The following WSCD1 variants were observed in gnomAD, a reference collection of about 807,000 sequenced individuals.
The protein encoded by WSCD1 is sialate:O-sulfotransferase 1.
In WSCD1, 41 loss-of-function variants were observed where a neutral mutation model predicts 60.4. The observed-to-expected ratio is 0.68, with a 90% CI of 0.53 to 0.88. The LOEUF is 0.88. Ranked by LOEUF, WSCD1 falls within the 40% of genes least tolerant of loss-of-function variation. The pLI, the probability that WSCD1 is intolerant of heterozygous loss-of-function variation, is 0.00. For synonymous variants in WSCD1, 361 were observed against 332.5 expected (o/e 1.09, Z -0.93); for missense variants, 784 against 796.2 (o/e 0.98, Z 0.18).
rs1904441582 is a variant in WSCD1, at chr17:6,118,490, C to G, written c.1375+302C>G. Among the ~76,000 whole-genome samples the G allele has an allele frequency of 6.6e-6, 1 of 152,200 alleles. No homozygotes were observed. The highest frequency in any genetic ancestry group is 2.4e-5 in the African/African-American group (1 of 41,446). On this transcript the variant is annotated intron_variant, in intron 8 of 8. Transcript: ENST00000317744. This position sits in a 1 kb window ranked among gnomAD's most constrained non-coding sequence, Gnocchi z 5.8. Reference sequence around the variant, plus strand: ...AGTGCATAGTGGGGTGATATGCACCCCTTTCCATCTCTGCTTCTGCCCAGG... The same window carrying G: ...AGTGCATAGTGGGGTGATATGCACCGCTTTCCATCTCTGCTTCTGCCCAGG...
intron 7 of WSCD1, among the ~76,000 whole-genome samples, chr17:6,116,032 A>G (rs1911669068): frequency 6.6e-6 from 1 of 152,102 alleles, no homozygotes; most frequent in South Asian, 2.1e-4. Flanking sequence ...TCTGGGGAAA[A>G]GCTATAGTTG....
At chr17:6,116,758 A>G (rs1904322272) in intron 7 of WSCD1, among the ~76,000 whole-genome samples, 1 of 152,248 alleles carries the variant, frequency 6.6e-6, no homozygotes, top group Non-Finnish European at 1.5e-5. Flanking sequence ...TCCAGGCATC[A>G]AAGCGTCCCT....
intron 4 of WSCD1, among the ~76,000 whole-genome samples, chr17:6,092,860 G>A (rs1910148835): frequency 6.6e-6 from 1 of 152,220 alleles, no homozygotes; most frequent in Admixed American, 6.5e-5. Flanking sequence ...GTCATGGTTA[G>A]TGTTGAAGAT....
chr17:6,072,552 G>C (rs1908608841), intron 1 of WSCD1, among the ~76,000 whole-genome samples: 1 of 152,210 alleles, frequency 6.6e-6, no homozygotes, highest in Admixed American at 6.5e-5. Context: ...TTTCTCTGGA[G>C]GTACAATGAG....
chr17:6,077,306 C>T (rs951415340), intron 1 of WSCD1, among the ~76,000 whole-genome samples: 2 of 152,084 alleles, frequency 1.3e-5, no homozygotes, highest in African/African-American at 4.8e-5. Context: ...CCAGGATGGT[C>T]TCCATCTCTT....
intron 5 of WSCD1, among the ~76,000 whole-genome samples, chr17:6,097,305 C>T (rs552761967): frequency 6.6e-6 from 1 of 152,266 alleles, no homozygotes; most frequent in South Asian, 2.1e-4. Flanking sequence ...AACATGCTTA[C>T]TTGGAGCATA....
At chr17:6,091,386 G>A (rs1290250945) in intron 4 of WSCD1, among the ~76,000 whole-genome samples, 1 of 152,202 alleles carries the variant, frequency 6.6e-6, no homozygotes, top group Non-Finnish European at 1.5e-5. Flanking sequence ...GAGAGTTAGA[G>A]ATAGGCTGTG....
intron 5 of WSCD1, among the ~76,000 whole-genome samples, chr17:6,105,737 C>T (rs747522493): frequency 5.1e-4 from 78 of 152,196 alleles, no homozygotes; most frequent in Non-Finnish European, 1.3e-4. Flanking sequence ...GATTGTGGGG[C>T]ATCAACGTCA....
chr17:6,111,927 A>G (rs1021400315), intron 7 of WSCD1, among the ~76,000 whole-genome samples: 6 of 152,222 alleles, frequency 3.9e-5, no homozygotes, highest in Admixed American at 6.5e-5. Flanking sequence ...TTCGATAGAA[A>G]TAGATATCAT....
Position 6,123,043 on chromosome 17 carries a change from G to A in WSCD1, c.*2382G>A, listed in dbSNP as rs1904809446. ...GGAGATCTCATCAGAAACAGGAACG[G>A]GGATCTGTCTGTGCTTGCAGGAAAG... On this transcript the variant is annotated 3_prime_UTR_variant, in exon 9 of 9. Transcript: ENST00000317744. 2 of 152,190 alleles carry A rather than the reference G, an allele frequency of 1.3e-5. No homozygotes were observed. Among genetic ancestry groups the A allele is most frequent in the Non-Finnish European group, 2.9e-5 (2 of 68,054 alleles). The allele number at this position is 152,190 out of a possible 1,614,324, so 9.4% of individuals were successfully genotyped here.
intron 1 of WSCD1, among the ~76,000 whole-genome samples, chr17:6,073,502 T>C (rs1162660638): frequency 6.6e-6 from 1 of 152,144 alleles, no homozygotes; most frequent in Non-Finnish European, 1.5e-5. Context: ...TGGTGGTGTG[T>C]GCCTGTAATC....
chr17:6,077,392 T>C (rs1195770568), intron 1 of WSCD1, among the ~76,000 whole-genome samples: 2 of 152,154 alleles, frequency 1.3e-5, no homozygotes, highest in African/African-American at 4.8e-5. Flanking sequence ...CAGTCTTTTG[T>C]TTCTCCCTAC....
rs1904608464 is a variant in WSCD1, at chr17:6,120,451, C to T, written c.1518C>T (p.Ala506=). The T allele has an allele frequency of 1.2e-6, 2 of 1,613,946 alleles. No individual in the cohort carries two copies. Among genetic ancestry groups the T allele is most frequent in the Non-Finnish European group, 1.7e-6 (2 of 1,179,988 alleles). ...TGCCCACGTTACGGGAGATGGTGGC[C>T]TTCCTCAACGTGTCTGTGAGCGAGG... is the stretch of plus-strand genomic sequence containing the variant. ...SLVPTLREMV[A]FLNVSVSEER... The change falls in exon 9 of 9, where the codon GCC becomes GCT. Residue 506 remains alanine (A), a synonymous_variant. Coordinates refer to ENST00000317744, the MANE Select transcript of WSCD1 (RefSeq NM_015253.2).
chr17:6,094,911 C>T (rs575379597), intron 4 of WSCD1, among the ~76,000 whole-genome samples, 191 bp from the exon 5 acceptor site: 19 of 151,740 alleles, frequency 1.3e-4, no homozygotes, highest in African/African-American at 4.4e-4. Flanking sequence ...GGTCAAGGTG[C>T]TGATGCCTGG....
chr17:6,099,681 G>C (rs142116404), intron 5 of WSCD1, among the ~76,000 whole-genome samples: 3 of 152,096 alleles, frequency 2.0e-5, no homozygotes, highest in African/African-American at 7.2e-5. Context: ...TAAGGTGGGA[G>C]GGCCAGGTTT....
Position 6,123,596 on chromosome 17 carries a change from A to G in WSCD1, c.*2935A>G, listed in dbSNP as rs750009016. On this transcript the variant is annotated 3_prime_UTR_variant, in exon 9 of 9. Transcript: ENST00000317744. ...GGTTCTTAGGGGGCCCCAAGAGGAG[A>G]GGAGAAGTGCTGAGGTTGATGTTAC... The G allele has an allele frequency of 6.6e-6, 1 of 152,132 alleles. No individual in the cohort carries two copies. Among genetic ancestry groups the G allele is most frequent in the Non-Finnish European group, 1.5e-5 (1 of 68,034 alleles). 9.4% of individuals were successfully genotyped at this position (152,132 alleles called of 1,614,324 possible). A position where few individuals can be genotyped will look rare whatever the true frequency, so the allele number is the denominator to read the frequency against.
chr17:6,098,423 C>T (rs796213673), intron 5 of WSCD1, among the ~76,000 whole-genome samples: 63 of 152,364 alleles, frequency 4.1e-4, no homozygotes, highest in African/African-American at 1.5e-3. Context: ...TACACGCAGG[C>T]TCTTGGTGTC....
Position 6,111,757 on chromosome 17 carries a change from C to T in WSCD1, c.1174+822C>T, listed in dbSNP as rs117383656. On this transcript the variant is annotated intron_variant, in intron 7 of 8. Coordinates refer to ENST00000317744, the MANE Select transcript of WSCD1 (RefSeq NM_015253.2). Reference sequence around the variant, plus strand: ...GAAACATGACGTCTGCAAAGAAACACAATAATTCTCCAATAACAGACCCCA... The same window carrying T: ...GAAACATGACGTCTGCAAAGAAACATAATAATTCTCCAATAACAGACCCCA... Among the ~76,000 whole-genome samples, 98 of 136,594 alleles carry T rather than the reference C, an allele frequency of 7.2e-4. No homozygotes were observed. In the East Asian group the frequency reaches 0.018, roughly 25 times the overall value. The allele number at this position is 136,594 out of a possible 152,430, so 89.6% of individuals were successfully genotyped here.
At chr17:6,107,903 C>T (rs1597367776) in intron 5 of WSCD1, among the ~76,000 whole-genome samples, 1 of 152,048 alleles carries the variant, frequency 6.6e-6, no homozygotes, top group Non-Finnish European at 1.5e-5. Context: ...GTGTAGGGGC[C>T]GTGAGGATGG....
Sources: allele counts gnomAD v4.1 joint callset (sites outside exome capture counted in the v4.1 genomes callset), GRCh38; gene constraint gnomAD v4.1.1; non-coding constraint Gnocchi (gnomAD v3.1); transcripts MANE v1.5; gene names NCBI Gene and HGNC (gene_info 2026-07-23, HGNC 2026-07-21).